Variants in ZDHHC14 observed in about 807,000 individuals in gnomAD.
The protein encoded by ZDHHC14 is palmitoyltransferase ZDHHC14.
In ZDHHC14, 16 loss-of-function variants were observed where a neutral mutation model predicts 47.7. That is an observed-to-expected ratio of 0.34 (90% CI 0.23 to 0.51). The LOEUF is 0.51. Ranked by LOEUF, ZDHHC14 falls within the 20% of genes least tolerant of loss-of-function variation. The pLI is 0.97. For missense variants in ZDHHC14, 515 were observed against 662.5 expected, an observed-to-expected ratio of 0.78 and a Z score of 2.44; for synonymous variants, 293 against 278.9, an observed-to-expected ratio of 1.05 and a Z score of -0.50.
Position 157,567,320 on chromosome 6 carries a change from G to A in ZDHHC14, c.406+24575G>A, listed in dbSNP as rs574465251. Among the ~76,000 whole-genome samples, 12 of 152,248 alleles carry A rather than the reference G, an allele frequency of 7.9e-5. No individual in the cohort carries two copies. The South Asian group carries it at 1.7e-3, about 21-fold the overall frequency. ...ATTCCGGGAGCCCCATCTGACTGCC[G>A]TGGGCTGAGCCTAGAGCTCAATCTG... On this transcript the variant is annotated intron_variant, in intron 2 of 8. Transcript: ENST00000359775.
chr6:157,615,787 TTTTTGTTTTG>T (rs66704112), intron 3 of ZDHHC14, among the ~76,000 whole-genome samples: 95 of 151,454 alleles, frequency 6.3e-4, no homozygotes, highest in Non-Finnish European at 5.9e-4. Context: ...GCTGACTGCA[TTTTTGTTTTG>T]TTTTGTTTTG....
chr6:157,594,731 A>G (rs1469962276), intron 3 of ZDHHC14, among the ~76,000 whole-genome samples: 1 of 152,186 alleles, frequency 6.6e-6, no homozygotes, highest in Admixed American at 6.5e-5. Flanking sequence ...CAAGGTTTCT[A>G]CAAGGGACTC....
chr6:157,450,998 T>TTGTGTGTGTGTGTGTGTGTGTGTG (rs34066002), intron 1 of ZDHHC14, among the ~76,000 whole-genome samples: 2 of 147,526 alleles, frequency 1.4e-5, no homozygotes, highest in Admixed American at 6.8e-5. Flanking sequence ...AAGTCTGGTC[T>TTGTGTGTGTGTGTGTGTGTGTGTG]TGTGTGTGTG....
intron 1 of ZDHHC14, among the ~76,000 whole-genome samples, chr6:157,471,404 G>A (rs1252966644): frequency 6.6e-6 from 1 of 151,772 alleles, no homozygotes; most frequent in African/African-American, 2.4e-5. Context: ...TCCCCCGCCC[G>A]CCGACACCAG....
intron 2 of ZDHHC14, 44 bp downstream of exon 2, chr6:157,542,789 TG>T (rs1781819451): frequency 5.0e-6 from 8 of 1,595,644 alleles, no homozygotes; most frequent in African/African-American, 1.3e-5. Context: ...ACTTCCCGCC[TG>T]GGCCCAGCTA....
intron 1 of ZDHHC14, among the ~76,000 whole-genome samples, chr6:157,505,489 C>T (rs1454717221): frequency 6.6e-6 from 1 of 152,186 alleles, no homozygotes; most frequent in Non-Finnish European, 1.5e-5. Context: ...ACAAAGAACT[C>T]ACTGAGTTCT....
chr6:157,516,832 C>T (rs2114758896), intron 1 of ZDHHC14, among the ~76,000 whole-genome samples: 1 of 152,324 alleles, frequency 6.6e-6, no homozygotes, highest in South Asian at 2.1e-4. Context: ...TGCCAAAAAC[C>T]ACACCAGGTG....
intron 1 of ZDHHC14, among the ~76,000 whole-genome samples, chr6:157,483,713 T>G (rs1418133248): frequency 6.6e-6 from 1 of 152,210 alleles, no homozygotes; most frequent in African/African-American, 2.4e-5. Context: ...AAAGCCCCTT[T>G]GCATCCGTGG....
chr6:157,412,271 T>C (rs1443673666), intron 1 of ZDHHC14, among the ~76,000 whole-genome samples: 3 of 148,922 alleles, frequency 2.0e-5, no homozygotes, highest in Admixed American at 6.7e-5. Flanking sequence ...TAGCTAGTAA[T>C]AGAATGGAGT....
intron 1 of ZDHHC14, among the ~76,000 whole-genome samples, chr6:157,460,303 G>A (rs1227370992): frequency 6.6e-6 from 1 of 150,482 alleles, no homozygotes; most frequent in East Asian, 2.0e-4. Flanking sequence ...GGAGGCTGAG[G>A]TGGGAGGATT....
chr6:157,626,890 TG>T (rs113464326), intron 3 of ZDHHC14, among the ~76,000 whole-genome samples: 38,010 of 135,390 alleles, frequency 0.28, 6,747 homozygotes, highest in African/African-American at 0.49. Context: ...CTTTTCCAGC[TG>T]GGGGGGGGGC....
At chr6:157,607,952 G>GCT (rs768793635) in intron 3 of ZDHHC14, among the ~76,000 whole-genome samples, 2 of 152,174 alleles carry the variant, frequency 1.3e-5, no homozygotes, top group African/African-American at 2.4e-5. Context: ...TGTCTTCTTG[G>GCT]CTCTCACAAG....
chr6:157,519,322 A>C (rs1211226149), intron 1 of ZDHHC14, among the ~76,000 whole-genome samples: 2 of 151,920 alleles, frequency 1.3e-5, no homozygotes, highest in African/African-American at 4.8e-5. Context: ...GCTATGAAGC[A>C]GTTGCCAGGA....
chr6:157,642,136 T>C (rs1777287298), intron 5 of ZDHHC14, among the ~76,000 whole-genome samples: 1 of 152,216 alleles, frequency 6.6e-6, no homozygotes, highest in African/African-American at 2.4e-5. Context: ...CACATTGTAT[T>C]TGAATGAGAG....
intron 1 of ZDHHC14, among the ~76,000 whole-genome samples, chr6:157,540,910 G>GTATGTATATATATATATATATATATA (rs1781730772): frequency 8.1e-6 from 1 of 122,992 alleles, no homozygotes; most frequent in African/African-American, 4.3e-5. Context: ...GTGTGTGTGT[G>GTATGTATATATATATATATATATATA]TATATATATA....
chr6:157,656,719 C>CAAAAAAAAAAAAAAA (rs35815142), intron 8 of ZDHHC14, among the ~76,000 whole-genome samples: 2 of 106,420 alleles, frequency 1.9e-5, no homozygotes, highest in Non-Finnish European at 3.7e-5. Flanking sequence ...AAAAAAAAAA[C>CAAAAAAAAAAAAAAA]AAAAAAAAAA....
chr6:157,540,888 A>ATGTGTGTGTGTGTGTGTGTG (rs1171821046), intron 1 of ZDHHC14, among the ~76,000 whole-genome samples: 4 of 127,570 alleles, frequency 3.1e-5, no homozygotes, highest in Middle Eastern at 3.6e-3. Flanking sequence ...ATATGTATGT[A>ATGTGTGTGTGTGTGTGTGTG]TGTGTGTGTG....
intron 3 of ZDHHC14, among the ~76,000 whole-genome samples, chr6:157,618,478 C>T (rs184717273): frequency 1.3e-5 from 2 of 152,236 alleles, no homozygotes; most frequent in African/African-American, 2.4e-5. Context: ...CCTGCCACCA[C>T]ACCCAGCTAA....
In ZDHHC14 at chr6:157,647,360, C is replaced by G. The variant is rs1188773240; in HGVS notation, c.957C>G (p.Ile319Met). 1.2e-6 allele frequency: 2 copies of G among 1,612,986 alleles called. No homozygotes were observed. Among genetic ancestry groups the G allele is most frequent in the Admixed American group, 3.3e-5 (2 of 59,918 alleles). The change falls in exon 7 of 9, where the codon ATC (isoleucine) becomes ATG (methionine). Residue 319 changes from isoleucine (I) to methionine (M), a missense_variant. Physicochemically the swap from Ile to Met is conservative, Grantham distance 10. Transcript: ENST00000359775. Reference protein sequence around the residue: ...TNCCVALCGPISPSLIDRRGY... With the variant: ...TNCCVALCGPMSPSLIDRRGY... The stretch of plus-strand genomic sequence containing the variant: ...GCTGTGTTGCCCTGTGTGGGCCCAT[C>G]TCACCAAGGTAAGACTCAGGACGCA...
Sources: allele counts gnomAD v4.1 joint callset (sites outside exome capture counted in the v4.1 genomes callset), GRCh38; gene constraint gnomAD v4.1.1; transcripts MANE v1.5; gene names NCBI Gene and HGNC (gene_info 2026-07-23, HGNC 2026-07-21).